The following COLEC11 variants were observed in gnomAD, a reference collection of about 807,000 sequenced individuals.
The protein encoded by COLEC11 is collectin subfamily member 11, also known as collectin-11.
A neutral mutation model predicts 27.3 loss-of-function variants in COLEC11; 20 were observed. The observed-to-expected ratio is 0.73, with a 90% confidence interval of 0.51 to 1.06. The LOEUF is 1.06. Among genes scored for constraint, COLEC11 ranks in the 50% least tolerant of loss-of-function variants. The pLI is 0.00. For missense variants in COLEC11, 310 were observed against 383.0 expected (o/e 0.81, Z 1.59); for synonymous variants, 163 against 154.7 (o/e 1.05, Z -0.40).
intron 3 of COLEC11, among the ~76,000 whole-genome samples, chr2:3,637,081 C>G (rs1054928101): frequency 4.6e-5 from 7 of 152,196 alleles, no homozygotes; most frequent in Admixed American, 3.3e-4. Flanking sequence ...CCACCTGCCA[C>G]CCACCCACCA....
rs1217308511 is a variant in COLEC11, at chr2:3,640,326, A to G, written c.323A>G (p.Glu108Gly). 3 of 1,571,440 alleles carry G rather than the reference A, an allele frequency of 1.9e-6. No homozygotes were observed. Among genetic ancestry groups the G allele is most frequent in the Non-Finnish European group, 1.8e-6 (2 of 1,141,300 alleles). The change falls in exon 5 of 7, where the codon GAA (glutamate) becomes GGA (glycine). Residue 108 changes from glutamate (E) to glycine (G), a missense_variant. By Grantham distance (98) the Glu-to-Gly change is moderately conservative. Coordinates refer to ENST00000349077, the MANE Select transcript of COLEC11 (RefSeq NM_024027.5). ...GDIGPPGPNG[E>G]PGLPCECSQL... is the part of the protein sequence containing the mutation. ...ATAGGACCCCCTGGTCCTAATGGAG[A>G]ACCAGGTATGGCATAAAGGGTCCAA...
intron 3 of COLEC11, among the ~76,000 whole-genome samples, chr2:3,619,168 G>A (rs994927574): frequency 4.1e-5 from 6 of 145,588 alleles, no homozygotes; most frequent in Admixed American, 2.7e-4. Context: ...CTTCTTTCCC[G>A]CCTCCCTCCC....
rs1402369996 is a variant in COLEC11 at position 3,602,374 on chromosome 2, TTC to T, written c.-26-1939_-26-1938del. 3.3e-5 allele frequency among the ~76,000 whole-genome samples: 5 copies of T among 152,282 alleles called. No homozygotes were observed. In the East Asian group the frequency reaches 9.7e-4, roughly 29 times the overall value. On this transcript the variant is annotated intron_variant, in intron 1 of 6. Coordinates refer to ENST00000349077, the MANE Select transcript of COLEC11 (RefSeq NM_024027.5). This position sits in a 1 kb window ranked among gnomAD's most constrained non-coding sequence, Gnocchi z 6.2. Reference sequence around the variant, plus strand: ...CCCTGACTTCACTTCACCTCCTCAGTTCTGTTTCTCAGCAGCTGGCTGCACTG... The same window carrying T: ...CCCTGACTTCACTTCACCTCCTCAGTTGTTTCTCAGCAGCTGGCTGCACTG...
chr2:3,618,389 C>A (rs1663938969), intron 3 of COLEC11, among the ~76,000 whole-genome samples: 1 of 151,848 alleles, frequency 6.6e-6, no homozygotes, highest in Admixed American at 6.5e-5. Flanking sequence ...GACAAGGATT[C>A]AGTTTTGTTT....
intron 2 of COLEC11, among the ~76,000 whole-genome samples, chr2:3,608,617 G>A (rs1477462746): frequency 6.6e-6 from 1 of 152,144 alleles, no homozygotes; most frequent in Non-Finnish European, 1.5e-5. Context: ...GAGCCCAGGA[G>A]TTTGAGTCTA....
At chr2:3,625,949 T>G (rs1291705788) in intron 3 of COLEC11, 1 of 1,461,774 alleles carries the variant, frequency 6.8e-7, no homozygotes, top group East Asian at 2.3e-5. Context: ...GCAAAGTTAT[T>G]TAACATCTCT....
At chr2:3,606,843 C>G (rs914032608) in intron 2 of COLEC11, among the ~76,000 whole-genome samples, 1 of 152,194 alleles carries the variant, frequency 6.6e-6, no homozygotes, top group African/African-American at 2.4e-5. Flanking sequence ...TGTGCCGTAG[C>G]CCCCCAGGGT....
chr2:3,613,286 T>C (rs1663376449), intron 2 of COLEC11, 25 bp from the exon 3 acceptor site: 1 of 1,602,488 alleles, frequency 6.2e-7, no homozygotes, highest in African/African-American at 1.3e-5. Flanking sequence ...GACGAGCTGC[T>C]AAATGGATGT....
chr2:3,634,923 G>A (rs1162788014), intron 3 of COLEC11, among the ~76,000 whole-genome samples: 1 of 151,324 alleles, frequency 6.6e-6, no homozygotes, highest in Non-Finnish European at 1.5e-5. Flanking sequence ...TGCCCCCAGC[G>A]ATAGTGCCTC....
chr2:3,643,680 T>C, intron 6 of COLEC11, 47 bp from the exon 7 acceptor site: 1 of 1,612,924 alleles, frequency 6.2e-7, no homozygotes, highest in Non-Finnish European at 8.5e-7. Flanking sequence ...CTTAAGTTTG[T>C]TGCACACATA....
chr2:3,603,845 A>G, intron 1 of COLEC11: 1 of 624,566 alleles, frequency 1.6e-6, no homozygotes, highest in Non-Finnish European at 2.8e-6. Context: ...GGGGGCGTGG[A>G]TTCCTTGTCT....
At chr2:3,639,353 G>T (rs115609532) in intron 4 of COLEC11, among the ~76,000 whole-genome samples, 289 of 152,346 alleles carry the variant, frequency 1.9e-3, no homozygotes, top group Non-Finnish European at 3.3e-3. Context: ...AGCTGGTCCA[G>T]GCTGGCCTTG....
At chr2:3,609,270 T>G (rs866636992) in intron 2 of COLEC11, among the ~76,000 whole-genome samples, 3 of 147,828 alleles carry the variant, frequency 2.0e-5, no homozygotes, top group Non-Finnish European at 3.0e-5. Flanking sequence ...TAACGAGAGT[T>G]TGTGGGACAC....
At chr2:3,595,671 C>T (rs567279138) in intron 1 of COLEC11, among the ~76,000 whole-genome samples, 16 of 152,246 alleles carry the variant, frequency 1.1e-4, no homozygotes, top group African/African-American at 2.2e-4. Context: ...CTTGCTTTGG[C>T]AACTTTCCAG....
intron 3 of COLEC11, among the ~76,000 whole-genome samples, chr2:3,629,962 A>G (rs868611261): frequency 1.6e-4 from 25 of 152,188 alleles, no homozygotes; most frequent in Middle Eastern, 3.2e-3. Context: ...GTTACATGCT[A>G]TGTGTGGTTG....
At chr2:3,622,042 G>A (rs541982163) in intron 3 of COLEC11, among the ~76,000 whole-genome samples, 12 of 151,772 alleles carry the variant, frequency 7.9e-5, no homozygotes, top group East Asian at 1.9e-4. Flanking sequence ...CCGGGTGCTC[G>A]CCTGTAGTCC....
At chr2:3,609,369 T>C (rs1271648136) in intron 2 of COLEC11, among the ~76,000 whole-genome samples, 1 of 139,376 alleles carries the variant, frequency 7.2e-6, no homozygotes, top group African/African-American at 2.7e-5. Flanking sequence ...TTTTTTTTTT[T>C]TTTTTTTTTT....
Position 3,644,290 on chromosome 2 carries a change from A to ACTTTCATTTTCCTCT in COLEC11, c.*172_*173insCTTTCATTTTCCTCT. The stretch of plus-strand genomic sequence containing the variant: ...AAAATGGCCTATGCTTAAGAGGAAA[A>ACTTTCATTTTCCTCT]TGAAAGTGTTCCTGGGGTGCTGTCT... On this transcript the variant is annotated 3_prime_UTR_variant, in exon 7 of 7. Coordinates refer to ENST00000349077, the MANE Select transcript of COLEC11 (RefSeq NM_024027.5). The ACTTTCATTTTCCTCT allele has an allele frequency of 1.2e-6, 1 of 821,346 alleles. No homozygotes were observed. Among genetic ancestry groups the ACTTTCATTTTCCTCT allele is most frequent in the Non-Finnish European group, 2.0e-6 (1 of 495,666 alleles). 50.9% of individuals were successfully genotyped at this position (821,346 alleles called of 1,614,324 possible).
At chr2:3,600,045 C>A (rs141396773) in intron 1 of COLEC11, among the ~76,000 whole-genome samples, 1 of 151,720 alleles carries the variant, frequency 6.6e-6, no homozygotes, top group East Asian at 1.9e-4. Flanking sequence ...ACCATTCTAG[C>A]CAACACGGTG....
Sources: allele counts gnomAD v4.1 joint callset (sites outside exome capture counted in the v4.1 genomes callset), GRCh38; gene constraint gnomAD v4.1.1; non-coding constraint Gnocchi (gnomAD v3.1); transcripts MANE v1.5; gene names NCBI Gene and HGNC (gene_info 2026-07-23, HGNC 2026-07-21).